MICU1: variants seen among roughly 807,000 people sequenced by gnomAD.
MICU1 encodes the protein mitochondrial calcium uptake 1.
A neutral mutation model predicts 56.8 loss-of-function variants in MICU1; 45 were observed. The ratio of observed to expected loss-of-function variants is 0.79; its 90% confidence interval spans 0.62 to 1.02. The LOEUF (loss-of-function observed/expected upper bound fraction) is 1.02. Among genes scored for constraint, MICU1 ranks in the 50% least tolerant of loss-of-function variants. MICU1 has a pLI of 0.00. For synonymous variants in MICU1, 186 were observed against 195.1 expected, an observed-to-expected ratio of 0.95 and a Z score of 0.39; for missense variants, 504 against 587.1, an observed-to-expected ratio of 0.86 and a Z score of 1.46.
chr10:72,523,251 C>T lies in MICU1; in HGVS notation c.537+10495G>A, dbSNP rs1385936459. ...AACTGTCCTACCATAATCAGAGAACCGGAAGTGGCTGGCCTCAATCACAGG... is the reference window on the plus strand; with the variant it reads ...AACTGTCCTACCATAATCAGAGAACTGGAAGTGGCTGGCCTCAATCACAGG... On this transcript the variant is annotated intron_variant, in intron 5 of 11. Coordinates refer to ENST00000361114, the MANE Select transcript of MICU1 (RefSeq NM_001195518.2). Among the ~76,000 whole-genome samples, 4 of 152,150 alleles carry T rather than the reference C, an allele frequency of 2.6e-5. No homozygotes were observed. In the East Asian group the frequency reaches 5.8e-4, roughly 22 times the overall value.
At chr10:72,587,464 C>A (rs1443940678) in intron 1 of MICU1, among the ~76,000 whole-genome samples, 341 of 92,622 alleles carry the variant, frequency 3.7e-3, no homozygotes, top group East Asian at 0.014. Context: ...CAGCATGTCT[C>A]AAAAAAAAAA....
Position 72,615,265 on chromosome 10 carries a change from G to C in MICU1, c.-2+10745C>G, listed in dbSNP as rs551155529. Among the ~76,000 whole-genome samples, 4 of 152,236 alleles carry C rather than the reference G, an allele frequency of 2.6e-5. No homozygotes were observed. The East Asian group carries it at 5.8e-4, about 22-fold the overall frequency. On this transcript the variant is annotated intron_variant, in intron 1 of 11. Coordinates refer to ENST00000361114, the MANE Select transcript of MICU1 (RefSeq NM_001195518.2). ...CCCCAGTAATTGGAATTACAGACAT[G>C]TGCCACCATGCCCAGCTAATTTTTG...
intron 10 of MICU1, among the ~76,000 whole-genome samples, chr10:72,376,859 C>T (rs1338624142): frequency 6.6e-6 from 1 of 151,248 alleles, no homozygotes; most frequent in African/African-American, 2.4e-5. Flanking sequence ...TATAATGGCA[C>T]ATTTTATGCC....
intron 10 of MICU1, among the ~76,000 whole-genome samples, chr10:72,398,027 T>C (rs1219342487): frequency 6.6e-6 from 1 of 152,146 alleles, no homozygotes; most frequent in East Asian, 1.9e-4. Context: ...GACCACATAA[T>C]TGGAAGTAAA....
chr10:72,449,148 AGCAC>A (rs1865215695), intron 8 of MICU1, among the ~76,000 whole-genome samples: 2 of 152,340 alleles, frequency 1.3e-5, no homozygotes, highest in African/African-American at 4.8e-5. Context: ...CTGAAATCCC[AGCAC>A]TTTGGGAGGC....
intron 3 of MICU1, among the ~76,000 whole-genome samples, chr10:72,554,693 A>G (rs183359953): frequency 1.2e-4 from 18 of 152,226 alleles, no homozygotes; most frequent in African/African-American, 3.6e-4. Context: ...ATCTGTATAA[A>G]ACAACAGTAA....
At chr10:72,587,920 A>G (rs992790338) in intron 1 of MICU1, among the ~76,000 whole-genome samples, 1 of 152,256 alleles carries the variant, frequency 6.6e-6, no homozygotes, top group Admixed American at 6.5e-5. Context: ...TGTGATGGGT[A>G]GAGCGTGGGT....
chr10:72,620,549 G>C (rs187589433), intron 1 of MICU1, among the ~76,000 whole-genome samples: 1 of 152,144 alleles, frequency 6.6e-6, no homozygotes. Flanking sequence ...AGCATTATTT[G>C]TATCCTTAAC....
At chr10:72,553,478 C>T (rs749573292) in intron 3 of MICU1, among the ~76,000 whole-genome samples, 10 of 152,180 alleles carry the variant, frequency 6.6e-5, no homozygotes, top group Admixed American at 3.9e-4. Context: ...CATGATCCGC[C>T]TGCCTTGGCC....
At chr10:72,420,120 C>A (rs553992040) in intron 9 of MICU1, among the ~76,000 whole-genome samples, 1 of 152,136 alleles carries the variant, frequency 6.6e-6, no homozygotes, top group African/African-American at 2.4e-5. Context: ...AGTGCAATGG[C>A]GCGATCTCGG....
At chr10:72,531,572 G>T (rs1714840887) in intron 5 of MICU1, 1 of 152,134 alleles carries the variant, frequency 6.6e-6, no homozygotes, top group South Asian at 2.1e-4. Context: ...AAAAAAATTA[G>T]CTGGGCATGG....
At chr10:72,516,475 T>C (rs966246273) in intron 5 of MICU1, among the ~76,000 whole-genome samples, 1 of 152,226 alleles carries the variant, frequency 6.6e-6, no homozygotes, top group African/African-American at 2.4e-5. Flanking sequence ...TTTGCTGCCA[T>C]TGCTTCTGGT....
At chr10:72,509,718 T>C (rs1047790436) in intron 5 of MICU1, among the ~76,000 whole-genome samples, 2 of 152,096 alleles carry the variant, frequency 1.3e-5, no homozygotes, top group Non-Finnish European at 2.9e-5. Flanking sequence ...CTTCTTTGAG[T>C]TGACAACAAA....
intron 8 of MICU1, among the ~76,000 whole-genome samples, chr10:72,445,170 C>T (rs907239642): frequency 8.5e-5 from 13 of 152,134 alleles, no homozygotes; most frequent in Admixed American, 3.3e-4. Flanking sequence ...GGATAGGCAA[C>T]GTCAGACTTT....
In MICU1 at chr10:72,367,723, T is replaced by A. The variant is rs751957194; in HGVS notation, c.*472A>T. The A allele has an allele frequency of 6.3e-5, 10 of 158,290 alleles. No individual in the cohort carries two copies. The highest frequency in any genetic ancestry group is 9.8e-5 in the Non-Finnish European group (7 of 71,294). 9.8% of individuals were successfully genotyped at this position (158,290 alleles called of 1,614,324 possible). ...GCGTAGGGTGCCTAGGTCATCCTCATCATTGTTTATCATCACAGACTTCTT... is the reference window on the plus strand; with the variant it reads ...GCGTAGGGTGCCTAGGTCATCCTCAACATTGTTTATCATCACAGACTTCTT... On this transcript the variant is annotated 3_prime_UTR_variant, in exon 12 of 12. Coordinates refer to ENST00000361114, the MANE Select transcript of MICU1 (RefSeq NM_001195518.2).
chr10:72,368,361 G>A lies in MICU1; in HGVS notation c.1271-6C>T. 6.2e-7 allele frequency: 1 copy of A among 1,611,212 alleles called. No individual in the cohort carries two copies. Among genetic ancestry groups the A allele is most frequent in the Non-Finnish European group, 8.5e-7 (1 of 1,177,714 alleles). On this transcript the variant is annotated splice_polypyrimidine_tract_variant and splice_region_variant and intron_variant, in intron 11 of 11. Transcript: ENST00000361114. Reference sequence around the variant, plus strand: ...ATTGCTCAGTTCGCCATTGCCTAGAGGAAGAGGCAAAAACAACAGGGATAA... The same window carrying A: ...ATTGCTCAGTTCGCCATTGCCTAGAAGAAGAGGCAAAAACAACAGGGATAA...
Position 72,529,169 on chromosome 10 carries a change from G to C in MICU1, c.537+4577C>G, listed in dbSNP as rs975397158. On this transcript the variant is annotated intron_variant, in intron 5 of 11. Transcript: ENST00000361114. ...CAAATATTCTTGTAGATAACATAAA[G>C]GAGGTGGAAATAAAATACACATAAA... 2.6e-5 allele frequency among the ~76,000 whole-genome samples: 4 copies of C among 152,206 alleles called. No homozygotes were observed. In the East Asian group the frequency reaches 7.7e-4, roughly 29 times the overall value.
intron 4 of MICU1, among the ~76,000 whole-genome samples, chr10:72,544,573 T>C (rs1215729312): frequency 6.6e-6 from 1 of 152,230 alleles, no homozygotes; most frequent in African/African-American, 2.4e-5. Context: ...CATGTTTTTC[T>C]ATATAGAACT....
chr10:72,415,145 G>A (rs12354649), intron 9 of MICU1, among the ~76,000 whole-genome samples: 85,263 of 151,232 alleles, frequency 0.56, 24,903 homozygotes, highest in Non-Finnish European at 0.65. Flanking sequence ...CTTCCCAAGT[G>A]GCTGGGATTA....
Sources: gnomAD v4.1 joint callset for allele counts (sites outside exome capture counted in the v4.1 genomes callset) on GRCh38, gnomAD v4.1.1 for gene constraint, MANE v1.5 for transcripts, NCBI Gene and HGNC (gene_info 2026-07-23, HGNC 2026-07-21) for gene names.